Variants in CSGALNACT1 observed in about 807,000 individuals in gnomAD.
CSGALNACT1 encodes the protein chondroitin sulfate N-acetylgalactosaminyltransferase 1.
CSGALNACT1 carries 52 observed loss-of-function variants against 51.0 expected under a neutral mutation model. The ratio of observed to expected loss-of-function variants is 1.02; its 90% CI spans 0.82 to 1.29. The LOEUF (loss-of-function observed/expected upper bound fraction) is 1.29. Ranked by LOEUF, CSGALNACT1 falls within the 50% of genes most tolerant of loss-of-function variation. The pLI, the probability that CSGALNACT1 is intolerant of heterozygous loss-of-function variation, is 0.00. For missense variants in CSGALNACT1, 935 were observed against 679.2 expected, an observed-to-expected ratio of 1.38 and a Z score of -4.19; for synonymous variants, 341 against 254.4, an observed-to-expected ratio of 1.34 and a Z score of -3.24.
intron 4 of CSGALNACT1, among the ~76,000 whole-genome samples, chr8:19,486,149 G>A (rs2072882521): frequency 6.6e-6 from 1 of 151,890 alleles, no homozygotes; most frequent in Non-Finnish European, 1.5e-5. Flanking sequence ...AAAAAAAACA[G>A]CCACAGATGC....
intron 1 of CSGALNACT1, among the ~76,000 whole-genome samples, chr8:19,677,040 G>A (rs1036628847): frequency 6.6e-6 from 1 of 151,848 alleles, no homozygotes; most frequent in African/African-American, 2.4e-5. Context: ...GAGAGGGAGT[G>A]TAGAAAATTC....
At chr8:19,507,086 A>C (rs900043333) in intron 3 of CSGALNACT1, among the ~76,000 whole-genome samples, 1 of 152,132 alleles carries the variant, frequency 6.6e-6, no homozygotes, top group Non-Finnish European at 1.5e-5. Context: ...TCAAATATAC[A>C]AATAATAAAT....
At chr8:19,616,111 T>A (rs11993402) in intron 1 of CSGALNACT1, among the ~76,000 whole-genome samples, 6,727 of 152,270 alleles carry the variant, frequency 0.044, 358 homozygotes, top group East Asian at 0.18. Flanking sequence ...AGTGTTATCA[T>A]ACAATACTAG....
chr8:19,709,152 G>C (rs569322309), intron 1 of CSGALNACT1, among the ~76,000 whole-genome samples: 2 of 152,234 alleles, frequency 1.3e-5, no homozygotes, highest in Non-Finnish European at 2.9e-5. Flanking sequence ...CTGCCAGCCT[G>C]TGTTCCGATT....
chr8:19,548,137 G>C (rs1252894260), intron 3 of CSGALNACT1, among the ~76,000 whole-genome samples: 1 of 152,180 alleles, frequency 6.6e-6, no homozygotes, highest in East Asian at 1.9e-4. Context: ...TTATATTTCA[G>C]CCAAACACTA....
chr8:19,426,431 G>T (rs541354972), intron 6 of CSGALNACT1, among the ~76,000 whole-genome samples: 3 of 152,222 alleles, frequency 2.0e-5, no homozygotes, highest in African/African-American at 7.2e-5. Flanking sequence ...GTTCAAAGTT[G>T]AAGTTACTCA....
At chr8:19,449,845 A>T (rs1026414367) in intron 5 of CSGALNACT1, among the ~76,000 whole-genome samples, 1 of 151,922 alleles carries the variant, frequency 6.6e-6, no homozygotes, top group African/African-American at 2.4e-5. Context: ...AATATTTTCC[A>T]TAAAAATTCT....
At chr8:19,720,098 G>A (rs1273459641) in intron 1 of CSGALNACT1, among the ~76,000 whole-genome samples, 1 of 152,212 alleles carries the variant, frequency 6.6e-6, no homozygotes, top group Non-Finnish European at 1.5e-5. Flanking sequence ...GAAAGGCAGA[G>A]GAGAAAGCTA....
intron 3 of CSGALNACT1, among the ~76,000 whole-genome samples, chr8:19,580,548 C>T (rs1588640488): frequency 6.6e-6 from 1 of 152,188 alleles, no homozygotes; most frequent in Non-Finnish European, 1.5e-5. Flanking sequence ...CTTTATCCTA[C>T]TGCCAACAGA....
chr8:19,452,082 T>C (rs2063281173), intron 5 of CSGALNACT1, among the ~76,000 whole-genome samples: 1 of 152,142 alleles, frequency 6.6e-6, no homozygotes, highest in African/African-American at 2.4e-5. Flanking sequence ...AAATGACCAA[T>C]GAGGGAGACA....
intron 1 of CSGALNACT1, among the ~76,000 whole-genome samples, chr8:19,662,074 A>ACCCCCC (rs1159242984): frequency 2.9e-5 from 1 of 35,016 alleles, no homozygotes; most frequent in African/African-American, 1.1e-4. Context: ...ACCCCCCCCC[A>ACCCCCC]CCCCCCCCCC....
At chr8:19,565,959 G>T (rs2041830583) in intron 3 of CSGALNACT1, among the ~76,000 whole-genome samples, 1 of 152,146 alleles carries the variant, frequency 6.6e-6, no homozygotes, top group African/African-American at 2.4e-5. Flanking sequence ...GTCTTTAAAT[G>T]CCCATTTCTA....
Position 19,571,922 on chromosome 8 carries a change from T to C in CSGALNACT1, c.-297+19238A>G, listed in dbSNP as rs2043135807. On this transcript the variant is annotated intron_variant, in intron 3 of 9. Coordinates refer to ENST00000454498, the Ensembl canonical transcript of CSGALNACT1. Reference sequence around the variant, plus strand: ...CCTACAAAGATAAGATGGATTTATTTCCAATTATTTGGATTAAAACTGCCT... The same window carrying C: ...CCTACAAAGATAAGATGGATTTATTCCCAATTATTTGGATTAAAACTGCCT... Among the ~76,000 whole-genome samples, 2 of 152,234 alleles carry C rather than the reference T, an allele frequency of 1.3e-5. 1 individual carries two copies. Among genetic ancestry groups the C allele is most frequent in the South Asian group, 4.1e-4 (2 of 4,832 alleles).
intron 3 of CSGALNACT1, among the ~76,000 whole-genome samples, chr8:19,546,897 T>C (rs1424543968): frequency 6.6e-6 from 1 of 152,188 alleles, no homozygotes; most frequent in African/African-American, 2.4e-5. Context: ...TGCAGAATGA[T>C]CCTATGGCTT....
chr8:19,505,996 C>G (rs748618736), exon 4 of CSGALNACT1: 1 of 769,028 alleles, frequency 1.3e-6, no homozygotes, highest in South Asian at 1.5e-5. Context: ...TGGAGTTAAC[C>G]ACCACACAGA....
At chr8:19,555,494 G>A (rs1564027802) in intron 3 of CSGALNACT1, among the ~76,000 whole-genome samples, 2 of 152,108 alleles carry the variant, frequency 1.3e-5, no homozygotes, top group African/African-American at 2.4e-5. Flanking sequence ...GCTTCCCATA[G>A]TACTTTCTGA....
chr8:19,594,679 G>A lies in CSGALNACT1; in HGVS notation c.-415-3401C>T, dbSNP rs143047886. ...CTGCCTCAGCTTCCCAAGTAGTTGG[G>A]ATTACAGGTACACGCCACCAGGCCT... On this transcript the variant is annotated intron_variant, in intron 2 of 9. Transcript: ENST00000454498. Among the ~76,000 whole-genome samples, 1,409 of 151,460 alleles carry A rather than the reference G, an allele frequency of 9.3e-3. 26 individuals are homozygous for A. The highest frequency in any genetic ancestry group is 0.032 in the African/African-American group (1,314 of 41,328).
chr8:19,741,172 T>C (rs1563193524), intron 1 of CSGALNACT1, among the ~76,000 whole-genome samples: 2 of 152,196 alleles, frequency 1.3e-5, no homozygotes, highest in Non-Finnish European at 2.9e-5. Context: ...TCTACTTTAA[T>C]CATCTGCATG....
intron 4 of CSGALNACT1, among the ~76,000 whole-genome samples, chr8:19,475,869 T>C (rs1563613990): frequency 1.3e-5 from 2 of 152,204 alleles, no homozygotes; most frequent in Admixed American, 6.5e-5. Context: ...GAGAACTGAA[T>C]TTCCATTCCA....
Sources: allele counts gnomAD v4.1 joint callset (sites outside exome capture counted in the v4.1 genomes callset), GRCh38; gene constraint gnomAD v4.1.1; transcripts MANE v1.5; gene names NCBI Gene and HGNC (gene_info 2026-07-23, HGNC 2026-07-21).